The following TSPAN16 variants were observed in gnomAD, a reference collection of about 807,000 sequenced individuals.
The protein encoded by TSPAN16 is tetraspanin-16.
A neutral mutation model predicts 25.2 loss-of-function variants in TSPAN16; 23 were observed. The ratio of observed to expected loss-of-function variants is 0.91; its 90% CI spans 0.66 to 1.29. The LOEUF is 1.29. Ranked by LOEUF, TSPAN16 falls within the 50% of genes most tolerant of loss-of-function variation. The pLI is 0.00. For synonymous variants in TSPAN16, 123 were observed against 124.4 expected (o/e 0.99, Z 0.08); for missense variants, 272 against 299.9 (o/e 0.91, Z 0.69).
intron 6 of TSPAN16, among the ~76,000 whole-genome samples, chr19:11,315,324 G>A (rs1292395356): frequency 6.7e-6 from 1 of 150,316 alleles, no homozygotes; most frequent in African/African-American, 2.4e-5. Context: ...GTGGGAGGCC[G>A]AGGTGGGCAG....
intron 4 of TSPAN16, among the ~76,000 whole-genome samples, chr19:11,305,262 G>C (rs992913348): frequency 1.3e-5 from 2 of 152,162 alleles, no homozygotes; most frequent in Non-Finnish European, 2.9e-5. Context: ...GGGCGCAGTG[G>C]CTCATGCCTG....
At chr19:11,316,118 G>GTGTGGT (rs1568295764), downstream of TSPAN16, 135 of 106,110 alleles carry the variant, frequency 1.3e-3, no homozygotes, top group African/African-American at 2.1e-3. Context: ...TGTGTGTGTG[G>GTGTGGT]TTTTTTTTTT....
At position 11,301,204 on chromosome 19, in the gene TSPAN16, G is replaced by A; in HGVS notation, c.346G>A (p.Gly116Arg). ...CACTTCCTGTCCTCTCTGTGAGGTTGGAGATGTGGCCTTGGAACACACCTT... is the reference window on the plus strand; with the variant it reads ...CACTTCCTGTCCTCTCTGTGAGGTTAGAGATGTGGCCTTGGAACACACCTT... ...TVVLLFFPIV[G>R]DVALEHTFVT... The change falls in exon 4 of 7, where the codon GGA becomes AGA. Residue 116 changes from glycine (G) to arginine (R), a missense_variant. Physicochemically the swap from Gly to Arg is moderately radical, Grantham distance 125. Coordinates refer to ENST00000590327, the MANE Select transcript of TSPAN16 (RefSeq NM_001282509.2). 2 of 1,613,636 alleles carry A rather than the reference G, an allele frequency of 1.2e-6. No homozygotes were observed. The highest frequency in any genetic ancestry group is 1.7e-6 in the Non-Finnish European group (2 of 1,179,650).
chr19:11,305,159 C>G (rs1256056733), intron 4 of TSPAN16, among the ~76,000 whole-genome samples: 1 of 152,128 alleles, frequency 6.6e-6, no homozygotes, highest in African/African-American at 2.4e-5. Flanking sequence ...TTCATTCATA[C>G]AGTCCTCCCA....
chr19:11,321,796 C>T (rs2080781350), intron 6 of TSPAN16, among the ~76,000 whole-genome samples: 1 of 152,166 alleles, frequency 6.6e-6, no homozygotes, highest in Non-Finnish European at 1.5e-5. Flanking sequence ...TGCGCTGTGA[C>T]TCAGGTGTTC....
chr19:11,305,269 C>G (rs1186319353), intron 4 of TSPAN16, among the ~76,000 whole-genome samples: 1 of 152,136 alleles, frequency 6.6e-6, no homozygotes, highest in Middle Eastern at 3.2e-3. Context: ...GTGGCTCATG[C>G]CTGCAATTCC....
At position 11,313,372 on chromosome 19, in the gene TSPAN16, C is replaced by T. The variant is rs191722780; in HGVS notation, c.687+1150C>T. Among the ~76,000 whole-genome samples, 68 of 151,646 alleles carry T rather than the reference C, an allele frequency of 4.5e-4. 1 individual carries two copies. In the East Asian group the frequency reaches 0.01, roughly 23 times the overall value. On this transcript the variant is annotated intron_variant, in intron 6 of 6. Transcript: ENST00000590327. Reference sequence around the variant, plus strand: ...ACTAAAAATAAAAAAATTAGCTGGGCGTAGTGATGCACGCCTGTAATCTCA... The same window carrying T: ...ACTAAAAATAAAAAAATTAGCTGGGTGTAGTGATGCACGCCTGTAATCTCA...
At chr19:11,313,160 A>C (rs946099109) in intron 6 of TSPAN16, among the ~76,000 whole-genome samples, 3 of 152,196 alleles carry the variant, frequency 2.0e-5, no homozygotes, top group Non-Finnish European at 4.4e-5. Flanking sequence ...AAAAAGAGGA[A>C]GACATATTTC....
intron 6 of TSPAN16, among the ~76,000 whole-genome samples, chr19:11,321,088 G>C (rs930263022): frequency 5.9e-5 from 9 of 151,630 alleles, no homozygotes; most frequent in Non-Finnish European, 1.3e-4. Flanking sequence ...AGAATTGCTT[G>C]AACCTGGGAG....
downstream of TSPAN16, among the ~76,000 whole-genome samples, chr19:11,316,188 A>G (rs1181861276): frequency 1.4e-5 from 2 of 147,410 alleles, no homozygotes; most frequent in African/African-American, 5.1e-5. Context: ...GCACGATCTC[A>G]GCTCACTGCA....
At chr19:11,304,065 A>G (rs1297297679) in intron 4 of TSPAN16, among the ~76,000 whole-genome samples, 3 of 151,628 alleles carry the variant, frequency 2.0e-5, no homozygotes, top group Admixed American at 6.6e-5. Flanking sequence ...TACAGGTGTG[A>G]GCCACCGTGC....
chr19:11,305,430 C>A (rs548032900), intron 4 of TSPAN16, among the ~76,000 whole-genome samples: 1 of 150,786 alleles, frequency 6.6e-6, no homozygotes, highest in Non-Finnish European at 1.5e-5. Context: ...CTCGGGAGGC[C>A]GAGGTAGGAG....
exon 7 of TSPAN16, chr19:11,326,800 G>A (rs1196050161): frequency 1.4e-6 from 1 of 694,178 alleles, no homozygotes; most frequent in Non-Finnish European, 2.6e-6. Context: ...GTAGAGGTGG[G>A]GGTCTCGCTA....
chr19:11,311,610 AG>A (rs1252269413), intron 5 of TSPAN16, among the ~76,000 whole-genome samples: 3 of 151,936 alleles, frequency 2.0e-5, no homozygotes, highest in Non-Finnish European at 4.4e-5. Flanking sequence ...TTTTATAGAG[AG>A]GGAGTCTCAC....
chr19:11,312,494 C>T (rs763400323), intron 6 of TSPAN16, among the ~76,000 whole-genome samples: 4 of 151,952 alleles, frequency 2.6e-5, no homozygotes, highest in Non-Finnish European at 2.9e-5. Context: ...TATAATGGCT[C>T]AGCCTGTAAT....
chr19:11,317,734 A>T (rs2080756379), downstream of TSPAN16, among the ~76,000 whole-genome samples: 1 of 150,538 alleles, frequency 6.6e-6, no homozygotes, highest in African/African-American at 2.4e-5. Context: ...ACCTCAGGAG[A>T]ATTGCTTGAA....
At chr19:11,298,078 A>G (rs975062466) in intron 1 of TSPAN16, 64 bp from the exon 2 acceptor site, 7 of 1,559,140 alleles carry the variant, frequency 4.5e-6, no homozygotes, top group Non-Finnish European at 6.2e-6. Context: ...CACCGCACTC[A>G]CCCAGTTCTA....
At position 11,298,246 on chromosome 19, in the gene TSPAN16, C is replaced by T. The variant is rs141509954; in HGVS notation, c.174C>T (p.Gly58=). Residue 58 remains glycine, a synonymous_variant, in exon 2 of 7, where the codon GGC becomes GGT. Coordinates refer to ENST00000590327, the MANE Select transcript of TSPAN16 (RefSeq NM_001282509.2). The part of the protein sequence containing the change: ...GLSSAYLLHV[G]NLCLVMGCIT... Reference sequence around the variant, plus strand: ...CCTCCGCATACCTCCTTCACGTTGGCAACCTGTGCCTGGTGATGGGATGCA... The same window carrying T: ...CCTCCGCATACCTCCTTCACGTTGGTAACCTGTGCCTGGTGATGGGATGCA... 7 of 1,614,044 alleles carry T rather than the reference C, an allele frequency of 4.3e-6. No homozygotes were observed. The highest frequency in any genetic ancestry group is 1.3e-5 in the African/African-American group (1 of 74,932).
At chr19:11,319,787 A>C (rs888361654), downstream of TSPAN16, among the ~76,000 whole-genome samples, 1 of 152,014 alleles carries the variant, frequency 6.6e-6, no homozygotes, top group African/African-American at 2.4e-5. Flanking sequence ...AAGCTCTCCA[A>C]ACCTGTCATT....
Sources: allele counts gnomAD v4.1 joint callset (sites outside exome capture counted in the v4.1 genomes callset), GRCh38; gene constraint gnomAD v4.1.1; transcripts MANE v1.5; gene names NCBI Gene and HGNC (gene_info 2026-07-23, HGNC 2026-07-21).